The following VPS45 variants were observed in gnomAD, a reference collection of about 807,000 sequenced individuals.
VPS45 encodes the protein vacuolar protein sorting 45 homolog.
A neutral mutation model predicts 75.9 loss-of-function variants in VPS45; 35 were observed. The observed-to-expected ratio is 0.46, with a 90% CI of 0.35 to 0.61. VPS45 has a LOEUF of 0.61. Ranked by LOEUF, VPS45 falls within the 20% of genes least tolerant of loss-of-function variation. VPS45 has a pLI of 0.00. For missense variants in VPS45, 559 were observed against 685.9 expected (o/e 0.81, Z 2.07); for synonymous variants, 220 against 238.2 (o/e 0.92, Z 0.70).
chr1:150,079,505 A>G (rs1655577519), intron 7 of VPS45, among the ~76,000 whole-genome samples: 1 of 152,164 alleles, frequency 6.6e-6, no homozygotes, highest in Non-Finnish European at 1.5e-5. Flanking sequence ...GGTTCAAGCA[A>G]TTCTCATGCC....
chr1:150,123,693 G>C (rs1658355518), intron 14 of VPS45, among the ~76,000 whole-genome samples: 1 of 152,160 alleles, frequency 6.6e-6, no homozygotes, highest in South Asian at 2.1e-4. Context: ...TAAGTTAGCT[G>C]TGTGAGCTGA....
In VPS45 at chr1:150,076,313, G is replaced by A; in HGVS notation, c.369+1G>A. The stretch of plus-strand genomic sequence containing the variant: ...ACAGGAAGTTGTGGCTGAGGTTCAG[G>A]TAAACATATTGGTCCTGTAACACAT... On this transcript the variant is annotated splice_donor_variant, in intron 4 of 14. Transcript: ENST00000644510. LOFTEE classifies it high-confidence loss of function. The A allele has an allele frequency of 6.2e-7, 1 of 1,602,340 alleles. No homozygotes were observed. Among genetic ancestry groups the A allele is most frequent in the East Asian group, 2.3e-5 (1 of 44,304 alleles).
At chr1:150,083,408 AG>A (rs1553799949) in intron 10 of VPS45, 1 of 152,256 alleles carries the variant, frequency 6.6e-6, no homozygotes, top group Non-Finnish European at 1.5e-5. Flanking sequence ...CTGAATACAA[AG>A]ATGAATAAGA....
intron 14 of VPS45, among the ~76,000 whole-genome samples, chr1:150,120,181 G>A (rs782301857): frequency 3.9e-5 from 6 of 152,076 alleles, no homozygotes; most frequent in Non-Finnish European, 8.8e-5. Context: ...CCACTTACTA[G>A]TTTTTTTATT....
intron 13 of VPS45, among the ~76,000 whole-genome samples, chr1:150,099,926 A>G (rs1350708855): frequency 2.0e-5 from 3 of 151,946 alleles, no homozygotes; most frequent in Admixed American, 6.6e-5. Context: ...CTTGAAAACC[A>G]GCACAAGACA....
At chr1:150,082,437 C>T (rs1398395398) in intron 9 of VPS45, among the ~76,000 whole-genome samples, 4 of 148,140 alleles carry the variant, frequency 2.7e-5, no homozygotes, top group East Asian at 4.1e-4. Context: ...ACCTGGGAGG[C>T]GGAGGTTGGG....
At chr1:150,128,580 C>T (rs587715910) in intron 14 of VPS45, among the ~76,000 whole-genome samples, 17 of 152,264 alleles carry the variant, frequency 1.1e-4, no homozygotes, top group East Asian at 7.7e-4. Context: ...CTTGGACCTT[C>T]TCCTGTAACC....
chr1:150,126,728 G>A (rs1474738627), intron 14 of VPS45, among the ~76,000 whole-genome samples: 1 of 152,142 alleles, frequency 6.6e-6, no homozygotes, highest in Non-Finnish European at 1.5e-5. Context: ...CACTTTGGGA[G>A]GCTCAATTGG....
At chr1:150,097,931 C>T (rs1367978182) in intron 13 of VPS45, among the ~76,000 whole-genome samples, 2 of 152,138 alleles carry the variant, frequency 1.3e-5, no homozygotes, top group Non-Finnish European at 2.9e-5. Context: ...CAGCTCACTG[C>T]AGCCTCCACC....
chr1:150,067,816 A>AG lies in VPS45; in HGVS notation c.-37dup. On this transcript the variant is annotated 5_prime_UTR_variant, in exon 1 of 15. Transcript: ENST00000644510. Reference sequence around the variant, plus strand: ...GACTGGGGGTTAATTTAGCCAGAAAAGGGGGCGGGAAGGGCTGTAGGGTAC... The same window carrying AG: ...GACTGGGGGTTAATTTAGCCAGAAAAGGGGGGCGGGAAGGGCTGTAGGGTAC... The AG allele has an allele frequency of 6.3e-7, 1 of 1,594,948 alleles. No individual in the cohort carries two copies. Among genetic ancestry groups the AG allele is most frequent in the Non-Finnish European group, 8.6e-7 (1 of 1,164,124 alleles).
chr1:150,122,855 C>T (rs1177058524), intron 14 of VPS45, among the ~76,000 whole-genome samples: 2 of 151,706 alleles, frequency 1.3e-5, no homozygotes, highest in African/African-American at 2.4e-5. Flanking sequence ...AAAAATTAGC[C>T]AGGCATGGTG....
intron 10 of VPS45, among the ~76,000 whole-genome samples, chr1:150,084,963 G>A (rs191134650): frequency 2.6e-5 from 4 of 152,092 alleles, no homozygotes; most frequent in Admixed American, 2.6e-4. Context: ...CTACCTGTGG[G>A]TGCTCTAGTT....
intron 13 of VPS45, among the ~76,000 whole-genome samples, chr1:150,100,511 G>A (rs587714883): frequency 5.3e-5 from 8 of 152,124 alleles, no homozygotes; most frequent in African/African-American, 1.4e-4. Context: ...CCAAAAAAAC[G>A]CCAAAATAGC....
At chr1:150,074,744 G>C (rs1655273801) in intron 3 of VPS45, among the ~76,000 whole-genome samples, 1 of 151,996 alleles carries the variant, frequency 6.6e-6, no homozygotes, top group African/African-American at 2.4e-5. Context: ...CTATCAGCTG[G>C]TTTCAACAAT....
intron 6 of VPS45, chr1:150,077,445 A>G (rs782538650): frequency 3.9e-6 from 3 of 763,106 alleles, no homozygotes; most frequent in Non-Finnish European, 6.1e-6. Context: ...CAAGCTATTT[A>G]ACTTTTTTTG....
intron 14 of VPS45, among the ~76,000 whole-genome samples, chr1:150,121,763 A>G (rs1553809634): frequency 6.6e-6 from 1 of 152,232 alleles, no homozygotes; most frequent in Non-Finnish European, 1.5e-5. Flanking sequence ...TAGTTGGTTC[A>G]CTCAAATATT....
chr1:150,118,161 G>C (rs1459758575), intron 14 of VPS45, among the ~76,000 whole-genome samples: 2 of 150,410 alleles, frequency 1.3e-5, no homozygotes, highest in East Asian at 4.1e-4. Context: ...GTGTGTGCCT[G>C]TAATCCCAGC....
intron 13 of VPS45, among the ~76,000 whole-genome samples, chr1:150,106,029 A>T (rs1571872213): frequency 6.6e-6 from 1 of 152,324 alleles, no homozygotes; most frequent in South Asian, 2.1e-4. Context: ...TCGATAAATT[A>T]TGCTGGGAAA....
In VPS45 at chr1:150,076,934, A is replaced by G. The variant is rs782569655; in HGVS notation, c.388A>G (p.Ile130Val). The stretch of plus-strand genomic sequence containing the variant: ...TTTGCAGGAATTTTATGGTGATTAC[A>G]TTGCTGTGAACCCACATTTGTTTTC... ...AEVQEFYGDY[I>V]AVNPHLFSLN... The change falls in exon 5 of 15, where the codon ATT becomes GTT. Residue 130 changes from isoleucine (I) to valine (V), a missense_variant. Ile to Val is a conservative substitution (Grantham distance 29). Coordinates refer to ENST00000644510, the MANE Select transcript of VPS45 (RefSeq NM_007259.5). 4 of 1,613,972 alleles carry G rather than the reference A, an allele frequency of 2.5e-6. No individual in the cohort carries two copies. The South Asian group carries it at 4.4e-5, about 18-fold the overall frequency.
Sources: allele counts gnomAD v4.1 joint callset (sites outside exome capture counted in the v4.1 genomes callset), GRCh38; gene constraint gnomAD v4.1.1; transcripts MANE v1.5; gene names NCBI Gene and HGNC (gene_info 2026-07-23, HGNC 2026-07-21).